SYT9: variants seen among roughly 807,000 people sequenced by gnomAD.
SYT9 encodes synaptotagmin 9.
In SYT9, 22 loss-of-function variants were observed where a neutral mutation model predicts 48.4. The ratio of observed to expected loss-of-function variants is 0.45; its 90% confidence interval spans 0.32 to 0.65. SYT9 has a LOEUF of 0.65. Among genes scored for constraint, SYT9 ranks in the 30% least tolerant of loss-of-function variants. The pLI is 0.03. For synonymous variants in SYT9, 265 were observed against 245.0 expected, an observed-to-expected ratio of 1.08 and a Z score of -0.76; for missense variants, 577 against 622.0, an observed-to-expected ratio of 0.93 and a Z score of 0.77.
chr11:7,247,756 T>C (rs141268986), upstream of SYT9, among the ~76,000 whole-genome samples: 30 of 151,728 alleles, frequency 2.0e-4, no homozygotes, highest in East Asian at 5.4e-3. Context: ...GTTCTGTGTT[T>C]TTGCAATTGT....
intron 2 of SYT9, among the ~76,000 whole-genome samples, chr11:7,309,292 A>G (rs1313025002): frequency 1.3e-5 from 2 of 152,158 alleles, no homozygotes; most frequent in Non-Finnish European, 2.9e-5. Flanking sequence ...GCTTATTAGT[A>G]GAGGAGATCA....
At chr11:7,287,247 C>T (rs1419399444) in intron 1 of SYT9, among the ~76,000 whole-genome samples, 1 of 152,128 alleles carries the variant, frequency 6.6e-6, no homozygotes, top group Non-Finnish European at 1.5e-5. Context: ...GGAAAAGCCC[C>T]TTATAAAACC....
intron 6 of SYT9, among the ~76,000 whole-genome samples, chr11:7,459,989 G>C (rs1373849382): frequency 6.6e-6 from 1 of 152,152 alleles, no homozygotes; most frequent in Non-Finnish European, 1.5e-5. Flanking sequence ...TCCAGTTTGT[G>C]ATACGTCATT....
chr11:7,347,815 A>G (rs992618401), intron 3 of SYT9, among the ~76,000 whole-genome samples: 11 of 152,164 alleles, frequency 7.2e-5, no homozygotes, highest in African/African-American at 2.2e-4. Flanking sequence ...GAGTGGTCTC[A>G]GGCCTCCTGA....
At chr11:7,377,598 C>G (rs1290141942) in intron 3 of SYT9, among the ~76,000 whole-genome samples, 1 of 151,918 alleles carries the variant, frequency 6.6e-6, no homozygotes, top group African/African-American at 2.4e-5. Flanking sequence ...AAAATAAGTT[C>G]CTGCTGATAA....
intron 1 of SYT9, among the ~76,000 whole-genome samples, chr11:7,260,056 G>A (rs752630554): frequency 1.3e-5 from 2 of 151,998 alleles, no homozygotes; most frequent in Non-Finnish European, 2.9e-5. Context: ...ACTTAACCAC[G>A]TTGAATTGAT....
chr11:7,301,271 G>C (rs921807941), intron 1 of SYT9, among the ~76,000 whole-genome samples: 2 of 152,182 alleles, frequency 1.3e-5, no homozygotes. Flanking sequence ...AGATTGATTG[G>C]GCGGCAAAGA....
intron 1 of SYT9, among the ~76,000 whole-genome samples, chr11:7,257,274 T>G (rs1322952649): frequency 6.6e-6 from 1 of 152,188 alleles, no homozygotes; most frequent in African/African-American, 2.4e-5. Context: ...CTAGTGCCCA[T>G]ATCAACTGAT....
intron 3 of SYT9, among the ~76,000 whole-genome samples, chr11:7,318,544 C>A (rs1385299300): frequency 2.6e-5 from 4 of 152,188 alleles, no homozygotes; most frequent in Middle Eastern, 3.2e-3. Flanking sequence ...AAACTCCTAA[C>A]CTCAGTGGAT....
chr11:7,464,264 C>A (rs940780282), intron 6 of SYT9, among the ~76,000 whole-genome samples: 2 of 152,168 alleles, frequency 1.3e-5, no homozygotes, highest in Non-Finnish European at 2.9e-5. Flanking sequence ...GATGTGGCAC[C>A]TGCTGTATGC....
chr11:7,452,807 G>A (rs7109694), intron 6 of SYT9, among the ~76,000 whole-genome samples: 38,345 of 151,820 alleles, frequency 0.25, 6,155 homozygotes, highest in African/African-American at 0.46. Context: ...TATGAGGTGA[G>A]GTTTTGCTCT....
intron 1 of SYT9, among the ~76,000 whole-genome samples, chr11:7,246,899 C>T (rs543349271): frequency 1.5e-3 from 230 of 152,288 alleles, no homozygotes; most frequent in African/African-American, 5.3e-3. Flanking sequence ...TCCAGGGCTA[C>T]TGTAACAAAA....
intron 3 of SYT9, among the ~76,000 whole-genome samples, chr11:7,390,100 C>T (rs1385725668): frequency 6.6e-6 from 1 of 152,126 alleles, no homozygotes; most frequent in Admixed American, 6.6e-5. Flanking sequence ...TCGTCATTTA[C>T]ATTAGGTATT....
At chr11:7,389,021 G>C (rs186025172) in intron 3 of SYT9, among the ~76,000 whole-genome samples, 1 of 152,310 alleles carries the variant, frequency 6.6e-6, no homozygotes, top group East Asian at 1.9e-4. Context: ...TTGTGTGGTT[G>C]TTTAATAAAG....
In SYT9 at chr11:7,252,575, G is replaced by T. The variant is rs1425991045; in HGVS notation, c.145+244G>T. On this transcript the variant is annotated intron_variant, in intron 1 of 6. Transcript: ENST00000318881. The surrounding 1 kb of genome is among the most constrained non-coding windows in gnomAD (Gnocchi z 6.3). ...GCTAGGGCAGGGTTGGAGGGACCACGCCCGCCACCTGCGCTCCCATCGCCA... is the reference window on the plus strand; with the variant it reads ...GCTAGGGCAGGGTTGGAGGGACCACTCCCGCCACCTGCGCTCCCATCGCCA... Among the ~76,000 whole-genome samples the T allele has an allele frequency of 1.3e-5, 2 of 152,142 alleles. No individual in the cohort carries two copies. The highest frequency in any genetic ancestry group is 1.3e-4 in the Admixed American group (2 of 15,286).
At chr11:7,449,676 G>A (rs1848007129) in intron 6 of SYT9, among the ~76,000 whole-genome samples, 1 of 152,150 alleles carries the variant, frequency 6.6e-6, no homozygotes, top group Admixed American at 6.5e-5. Flanking sequence ...CAGCCTGCCA[G>A]GTTTGATCTC....
chr11:7,380,092 A>G (rs931145838), intron 3 of SYT9, among the ~76,000 whole-genome samples: 3 of 152,202 alleles, frequency 2.0e-5, no homozygotes, highest in African/African-American at 7.2e-5. Flanking sequence ...CATATACACA[A>G]TGGAGTACTA....
chr11:7,404,908 G>A (rs1341895129), intron 3 of SYT9, among the ~76,000 whole-genome samples: 1 of 152,076 alleles, frequency 6.6e-6, no homozygotes, highest in Non-Finnish European at 1.5e-5. Flanking sequence ...TTTATAGATC[G>A]ACAGATAGAG....
chr11:7,325,595 A>G (rs1353900487), intron 3 of SYT9, among the ~76,000 whole-genome samples: 2 of 34,770 alleles, frequency 5.8e-5, no homozygotes, highest in Non-Finnish European at 1.0e-4. Flanking sequence ...CTAATTGAAT[A>G]CCCTTTATTT....
Sources: allele counts gnomAD v4.1 joint callset (sites outside exome capture counted in the v4.1 genomes callset), GRCh38; gene constraint gnomAD v4.1.1; non-coding constraint Gnocchi (gnomAD v3.1); transcripts MANE v1.5; gene names NCBI Gene and HGNC (gene_info 2026-07-23, HGNC 2026-07-21).